The following MEGF6 variants were observed in gnomAD, a reference collection of about 807,000 sequenced individuals.
MEGF6 encodes the protein multiple epidermal growth factor-like domains protein 6.
Under a neutral mutation model 207.1 loss-of-function variants are expected in MEGF6, and 184 were observed. The observed-to-expected ratio is 0.89, with a 90% confidence interval of 0.79 to 1.00. The LOEUF is 1.00. Ranked by LOEUF, MEGF6 falls within the 50% of genes least tolerant of loss-of-function variation. The pLI is 0.00. For missense variants in MEGF6, 2,282 were observed against 2,202.9 expected (o/e 1.04, Z -0.72); for synonymous variants, 1,038 against 910.0 (o/e 1.14, Z -2.53).
chr1:3,498,344 AC>A lies in MEGF6; in HGVS notation c.3352+26del, dbSNP rs773659931. ...CACCCCTTCCCAGCAGGGCCTGCAG[AC>A]CCCCCTGCTGCCCCGCCCCACTCAC... On this transcript the variant is annotated intron_variant, in intron 26 of 36. Transcript: ENST00000356575. 1.3e-5 allele frequency: 20 copies of A among 1,582,064 alleles called. No homozygotes were observed. In the East Asian group the frequency reaches 1.6e-4, roughly 13 times the overall value.
intron 4 of MEGF6, among the ~76,000 whole-genome samples, chr1:3,540,860 C>T (rs1445820586): frequency 6.6e-6 from 1 of 152,224 alleles, no homozygotes; most frequent in Non-Finnish European, 1.5e-5. Context: ...CACTCGAACG[C>T]AGGAATTTTG....
Position 3,565,317 on chromosome 1 carries a change from C to T in MEGF6, c.481+14508G>A, listed in dbSNP as rs1033084283. On this transcript the variant is annotated intron_variant, in intron 4 of 36. Coordinates refer to ENST00000356575, the MANE Select transcript of MEGF6 (RefSeq NM_001409.4). The surrounding 1 kb of genome is among the most constrained non-coding windows in gnomAD (Gnocchi z 4.8). ...CACACGTGCAGAGCCCATCCCCAGA[C>T]CCCACTCTGCCCCAGAGTTCACCAA... is the stretch of plus-strand genomic sequence containing the variant. 6.7e-6 allele frequency among the ~76,000 whole-genome samples: 1 copy of T among 150,256 alleles called. No homozygotes were observed. The highest frequency in any genetic ancestry group is 1.9e-4 in the East Asian group (1 of 5,162).
intron 17 of MEGF6, among the ~76,000 whole-genome samples, chr1:3,504,393 G>A (rs1641026640): frequency 6.6e-6 from 1 of 152,026 alleles, no homozygotes; most frequent in Non-Finnish European, 1.5e-5. Flanking sequence ...TTCCTATCCT[G>A]GTCATGAGAC....
chr1:3,583,340 G>C (rs796282924), intron 3 of MEGF6, among the ~76,000 whole-genome samples: 10,895 of 89,288 alleles, frequency 0.12, 436 homozygotes, highest in East Asian at 0.28. Context: ...ACCAGACAAC[G>C]CGCAGCCACC....
intron 5 of MEGF6, among the ~76,000 whole-genome samples, chr1:3,522,508 A>G (rs1241176261): frequency 6.6e-6 from 1 of 150,666 alleles, no homozygotes; most frequent in Non-Finnish European, 1.5e-5. Context: ...TGGGGCCCTA[A>G]GTGTGCAGAC....
In MEGF6 at chr1:3,506,241, G is replaced by C. The variant is rs776272900; in HGVS notation, c.1790-5C>G. ...CATAGTAGCCCTTGGGGCAGCCTGG[G>C]GGCAGCGGGGCTCCATGTGAACCTT... On this transcript the variant is annotated splice_polypyrimidine_tract_variant and splice_region_variant and intron_variant, in intron 14 of 36. Transcript: ENST00000356575. The C allele has an allele frequency of 1.2e-6, 2 of 1,607,784 alleles. No individual in the cohort carries two copies. Among genetic ancestry groups the C allele is most frequent in the African/African-American group, 1.3e-5 (1 of 74,918 alleles).
At chr1:3,581,963 T>C (rs1643808096) in intron 3 of MEGF6, among the ~76,000 whole-genome samples, 1 of 142,742 alleles carries the variant, frequency 7.0e-6, no homozygotes, top group African/African-American at 2.5e-5. Context: ...TCTGCCTAAA[T>C]CTGAAACAAA....
chr1:3,496,995 G>A lies in MEGF6; in HGVS notation c.3606C>T (p.Cys1202=). The change falls in exon 28 of 37, where the codon TGC becomes TGT. Residue 1202 remains cysteine (C), a synonymous_variant. Coordinates refer to ENST00000356575, the MANE Select transcript of MEGF6 (RefSeq NM_001409.4). The stretch of plus-strand genomic sequence containing the variant: ...GGCACGGGCAGCACTCACGTTGCTG[G>A]CAGCTGGGGCCGTGGTAGCCAGCAG... The part of the protein sequence containing the change: ...SCAAGYHGPS[C]QQRCPPGRYG... 1 of 1,549,590 alleles carries A rather than the reference G, an allele frequency of 6.5e-7. No homozygotes were observed. The highest frequency in any genetic ancestry group is 8.7e-7 in the Non-Finnish European group (1 of 1,147,262).
chr1:3,494,299 G>C (rs1640504968), intron 32 of MEGF6, 72 bp downstream of exon 32: 1 of 1,490,956 alleles, frequency 6.7e-7, no homozygotes, highest in Non-Finnish European at 8.9e-7. Context: ...CTGCTGCCTG[G>C]ATCACCCACA....
intron 4 of MEGF6, chr1:3,531,143 C>T: frequency 6.5e-7 from 1 of 1,529,476 alleles, no homozygotes. Context: ...GGGTAGCAGC[C>T]CCTCCAGAGG....
chr1:3,566,334 G>A (rs1438777605), intron 4 of MEGF6, among the ~76,000 whole-genome samples: 3 of 152,326 alleles, frequency 2.0e-5, no homozygotes, highest in Admixed American at 6.5e-5. Context: ...CATGGGTATC[G>A]CCCCAGGAAT....
intron 4 of MEGF6, among the ~76,000 whole-genome samples, chr1:3,554,001 C>T (rs899796925): frequency 3.9e-5 from 6 of 152,230 alleles, no homozygotes; most frequent in African/African-American, 1.4e-4. Flanking sequence ...TCCGCCAACA[C>T]CTCAGGGGCA....
At position 3,510,888 on chromosome 1, in the gene MEGF6, C is replaced by A; in HGVS notation, c.1129G>T (p.Ala377Ser). 2 of 1,607,914 alleles carry A rather than the reference C, an allele frequency of 1.2e-6. No individual in the cohort carries two copies. The change falls in exon 10 of 37, where the codon GCA becomes TCA. Residue 377 changes from alanine to serine, a missense_variant. Physicochemically the swap from Ala to Ser is moderately conservative, Grantham distance 99. Transcript: ENST00000356575. ...ACCTGCTGGCAGCACGGGCTGTCTG[C>A]ACAGTCGTCGACATCTGTGGAGCAC... ...QRTCIDVDDCADSPCCQQVCT... is the reference protein window; with the variant it reads ...QRTCIDVDDCSDSPCCQQVCT...
intron 4 of MEGF6, 91 bp downstream of exon 4, chr1:3,579,734 T>A (rs1403045285): frequency 1.1e-6 from 1 of 884,736 alleles, no homozygotes; most frequent in Non-Finnish European, 1.6e-6. Flanking sequence ...TACACAGCTG[T>A]GCTGGGGACG....
At chr1:3,617,564 A>G in the MEGF6 span, among the ~76,000 whole-genome samples, 1 of 152,158 alleles carries the variant, frequency 6.6e-6, no homozygotes, top group Non-Finnish European at 1.5e-5. Context: ...CTGCACAGCA[A>G]ACCACCACGG....
In MEGF6 at chr1:3,611,137, C is replaced by T. The variant is rs2101917604; in HGVS notation, c.131+1G>A. 4 of 1,512,590 alleles carry T rather than the reference C, an allele frequency of 2.6e-6. No homozygotes were observed. Among genetic ancestry groups the T allele is most frequent in the East Asian group, 2.7e-5 (1 of 37,448 alleles). 93.7% of individuals were successfully genotyped at this position (1,512,590 alleles called of 1,614,324 possible). ...GAGCCCTCCCAGCTCCTGCTACTCA[C>T]ATGCCGGGCTGCAGCGGGAGCAGGG... On this transcript the variant is annotated splice_donor_variant, in intron 1 of 36. Coordinates refer to ENST00000356575, the MANE Select transcript of MEGF6 (RefSeq NM_001409.4). LOFTEE classifies it high-confidence loss of function.
At chr1:3,517,071 C>T (rs1641568699) in intron 5 of MEGF6, among the ~76,000 whole-genome samples, 2 of 152,264 alleles carry the variant, frequency 1.3e-5, no homozygotes, top group South Asian at 4.1e-4. Context: ...GGCCTCTGAG[C>T]ATGGCCTGCG....
intron 6 of MEGF6, 75 bp downstream of exon 6, chr1:3,515,327 C>T (rs547357483): frequency 1.3e-6 from 2 of 1,517,402 alleles, no homozygotes; most frequent in African/African-American, 1.4e-5. Context: ...GACCCACTTC[C>T]ACCCAACAGC....
chr1:3,542,717 A>G (rs1010417903), intron 4 of MEGF6, among the ~76,000 whole-genome samples: 2 of 152,026 alleles, frequency 1.3e-5, no homozygotes, highest in African/African-American at 4.8e-5. Context: ...TTACAGAGAG[A>G]GACTGGAGTT....
Sources: allele counts gnomAD v4.1 joint callset (sites outside exome capture counted in the v4.1 genomes callset), GRCh38; gene constraint gnomAD v4.1.1; non-coding constraint Gnocchi (gnomAD v3.1); transcripts MANE v1.5; gene names NCBI Gene and HGNC (gene_info 2026-07-23, HGNC 2026-07-21).